The following CLSTN2 variants were observed in gnomAD, a reference collection of about 807,000 sequenced individuals.
The protein encoded by CLSTN2 is calsyntenin-2.
Under a neutral mutation model 101.2 loss-of-function variants are expected in CLSTN2, and 48 were observed. The ratio of observed to expected loss-of-function variants is 0.47; its 90% confidence interval spans 0.38 to 0.60. The LOEUF is 0.60. Ranked by LOEUF, CLSTN2 falls within the 20% of genes least tolerant of loss-of-function variation. The pLI, the probability that CLSTN2 is intolerant of heterozygous loss-of-function variation, is 0.00. For synonymous variants in CLSTN2, 481 were observed against 463.6 expected (o/e 1.04, Z -0.48); for missense variants, 1,160 against 1,238.2 (o/e 0.94, Z 0.95).
At chr3:140,423,787 T>C (rs181359954) in intron 5 of CLSTN2, among the ~76,000 whole-genome samples, 9 of 152,340 alleles carry the variant, frequency 5.9e-5, no homozygotes, top group East Asian at 1.9e-4. Flanking sequence ...CTCTAGCTCA[T>C]TGCAGACACC....
intron 4 of CLSTN2, among the ~76,000 whole-genome samples, chr3:140,407,908 T>G (rs1350964389): frequency 6.6e-6 from 1 of 152,116 alleles, no homozygotes. Context: ...TGATGATAAT[T>G]TACAGGATGC....
At chr3:140,363,460 C>T (rs1008001288) in intron 2 of CLSTN2, among the ~76,000 whole-genome samples, 8 of 152,164 alleles carry the variant, frequency 5.3e-5, no homozygotes, top group African/African-American at 1.4e-4. Context: ...TATGCACTTA[C>T]AGTAGGTTAA....
intron 1 of CLSTN2, among the ~76,000 whole-genome samples, chr3:140,055,279 C>T (rs1195181495): frequency 3.9e-5 from 6 of 152,318 alleles, no homozygotes; most frequent in Admixed American, 2.6e-4. Flanking sequence ...GGGCCTGCCT[C>T]TCCCTTGAGG....
intron 12 of CLSTN2, among the ~76,000 whole-genome samples, chr3:140,560,401 C>T (rs1002878069): frequency 6.6e-6 from 1 of 152,186 alleles, no homozygotes. Context: ...TTGCTCTGCT[C>T]TCTGGCTGGA....
chr3:140,367,692 T>C (rs979943015), intron 2 of CLSTN2, among the ~76,000 whole-genome samples: 2 of 152,200 alleles, frequency 1.3e-5, no homozygotes, highest in African/African-American at 4.8e-5. Context: ...CTCCACAGCA[T>C]TTTTAATACA....
intron 1 of CLSTN2, among the ~76,000 whole-genome samples, chr3:140,109,787 CCTGAGAA>C (rs2009122818): frequency 6.6e-6 from 1 of 152,134 alleles, no homozygotes; most frequent in African/African-American, 2.4e-5. Flanking sequence ...AGTGACTATG[CCTGAGAA>C]CTTGGATTTT....
At chr3:140,379,245 C>A (rs2107963213) in intron 2 of CLSTN2, among the ~76,000 whole-genome samples, 1 of 152,312 alleles carries the variant, frequency 6.6e-6, no homozygotes, top group Non-Finnish European at 1.5e-5. Context: ...TGTTTCTCTG[C>A]TGACAGTGTT....
At chr3:140,256,698 A>G (rs895981587) in intron 2 of CLSTN2, among the ~76,000 whole-genome samples, 1 of 152,206 alleles carries the variant, frequency 6.6e-6, no homozygotes, top group African/African-American at 2.4e-5. Flanking sequence ...TTCCTTTTTG[A>G]ACTGGGGTGT....
chr3:140,025,105 T>A (rs1354907912), intron 1 of CLSTN2, among the ~76,000 whole-genome samples: 1 of 152,194 alleles, frequency 6.6e-6, no homozygotes, highest in East Asian at 1.9e-4. Context: ...CTTGCCATTT[T>A]TCAAATCCTT....
intron 2 of CLSTN2, among the ~76,000 whole-genome samples, chr3:140,304,308 C>A (rs1238092361): frequency 6.6e-6 from 1 of 152,132 alleles, no homozygotes; most frequent in Non-Finnish European, 1.5e-5. Context: ...AGTTGGACAG[C>A]CATAACAAAA....
chr3:140,535,505 T>A (rs926810815), intron 9 of CLSTN2, among the ~76,000 whole-genome samples: 3 of 152,256 alleles, frequency 2.0e-5, no homozygotes, highest in African/African-American at 7.2e-5. Flanking sequence ...GTAGAAAGAA[T>A]GATGACAAGG....
chr3:140,265,924 C>CTAGG (rs776589504), intron 2 of CLSTN2, among the ~76,000 whole-genome samples: 10 of 152,170 alleles, frequency 6.6e-5, no homozygotes, highest in Non-Finnish European at 1.3e-4. Context: ...AAATGAGGGT[C>CTAGG]TAGGGTTCTT....
At chr3:140,504,041 A>G (rs1934635679) in intron 8 of CLSTN2, among the ~76,000 whole-genome samples, 1 of 152,200 alleles carries the variant, frequency 6.6e-6, no homozygotes, top group Admixed American at 6.5e-5. Context: ...ATAAGAATCA[A>G]TGCCCTCTAA....
In CLSTN2 at chr3:140,391,028, G is replaced by A. The variant is rs533560544; in HGVS notation, c.233-12601G>A. Among the ~76,000 whole-genome samples, 41 of 152,244 alleles carry A rather than the reference G, an allele frequency of 2.7e-4. No homozygotes were observed. In the South Asian group the frequency reaches 5.4e-3, roughly 20 times the overall value. ...TGCCATGGGCAGCAGTTCTGGTCTCGGTTCAAAAGGCTGGCAGTCTGTCCC... is the reference window on the plus strand; with the variant it reads ...TGCCATGGGCAGCAGTTCTGGTCTCAGTTCAAAAGGCTGGCAGTCTGTCCC... On this transcript the variant is annotated intron_variant, in intron 2 of 16. Transcript: ENST00000458420.
chr3:139,939,482 A>G (rs1935090003), intron 1 of CLSTN2, among the ~76,000 whole-genome samples: 1 of 152,186 alleles, frequency 6.6e-6, no homozygotes, highest in Non-Finnish European at 1.5e-5. Context: ...GACCACAAGG[A>G]AGCTGAGCTG....
At chr3:140,175,475 T>C (rs756568648) in intron 1 of CLSTN2, among the ~76,000 whole-genome samples, 1 of 152,204 alleles carries the variant, frequency 6.6e-6, no homozygotes, top group Admixed American at 6.5e-5. Flanking sequence ...CAGTAACTTC[T>C]AATGATGGAT....
chr3:140,401,082 A>G (rs1278248677), intron 2 of CLSTN2, among the ~76,000 whole-genome samples: 1 of 152,188 alleles, frequency 6.6e-6, no homozygotes, highest in Non-Finnish European at 1.5e-5. Context: ...ATTTTTGTTT[A>G]TTATTGGTTT....
intron 2 of CLSTN2, among the ~76,000 whole-genome samples, chr3:140,357,080 T>C (rs898402219): frequency 5.9e-5 from 9 of 152,194 alleles, no homozygotes; most frequent in African/African-American, 2.2e-4. Flanking sequence ...CTCAACCATG[T>C]AACCATTGTG....
intron 8 of CLSTN2, among the ~76,000 whole-genome samples, chr3:140,486,054 G>A (rs1239052535): frequency 6.6e-6 from 1 of 151,932 alleles, no homozygotes; most frequent in African/African-American, 2.4e-5. Flanking sequence ...GAGAGCTGTA[G>A]AATGGAGCTG....
Sources: gnomAD v4.1 joint callset for allele counts (sites outside exome capture counted in the v4.1 genomes callset) on GRCh38, gnomAD v4.1.1 for gene constraint, MANE v1.5 for transcripts, NCBI Gene and HGNC (gene_info 2026-07-23, HGNC 2026-07-21) for gene names.